OR7D2: variants seen among roughly 807,000 people sequenced by gnomAD.
OR7D2 encodes olfactory receptor 7D2.
For synonymous variants in OR7D2, 158 were observed against 158.7 expected (o/e 1.00, Z 0.03); for missense variants, 370 against 384.1 (o/e 0.96, Z 0.31).
In OR7D2 at chr19:9,185,869, C is replaced by T. The variant is rs755340698; in HGVS notation, c.88C>T (p.Leu30=). 17 of 1,613,560 alleles carry T rather than the reference C, an allele frequency of 1.1e-5. No homozygotes were observed. The highest frequency in any genetic ancestry group is 1.4e-5 in the Non-Finnish European group (17 of 1,179,742). The part of the protein sequence containing the change: ...DPELQPFIFG[L]FLSMYLVTVL... The stretch of plus-strand genomic sequence containing the variant: ...AGAACTACAGCCGTTCATATTTGGG[C>T]TGTTCCTGTCCATGTACCTGGTGAC... Residue 30 remains leucine, a synonymous_variant, in exon 3 of 3, where the codon CTG becomes TTG. Transcript: ENST00000641288.
Position 9,180,712 on chromosome 19 carries a change from T to C in OR7D2, c.-90T>C, listed in dbSNP as rs1410843700. 6.6e-6 allele frequency: 1 copy of C among 151,606 alleles called. No homozygotes were observed. Among genetic ancestry groups the C allele is most frequent in the East Asian group, 1.9e-4 (1 of 5,164 alleles). 9.4% of individuals were successfully genotyped at this position (151,606 alleles called of 1,614,324 possible). A position where few individuals can be genotyped will look rare whatever the true frequency, so the allele number is the denominator to read the frequency against. On this transcript the variant is annotated 5_prime_UTR_variant, in exon 2 of 3. Transcript: ENST00000641288. ...CCTTCATTCAGCTTTCCATGATGAG[T>C]ACAAAGCCTTGGGGAATATCTGGAT...
intron 1 of OR7D2, among the ~76,000 whole-genome samples, chr19:9,180,272 T>C (rs1346539050): frequency 6.6e-6 from 1 of 151,964 alleles, no homozygotes. Context: ...AAGTAGCTAA[T>C]TTTTTAAAAA....
At position 9,186,053 on chromosome 19, in the gene OR7D2, C is replaced by G; in HGVS notation, c.272C>G (p.Ala91Gly). 6.2e-7 allele frequency: 1 copy of G among 1,614,110 alleles called. No homozygotes were observed. The highest frequency in any genetic ancestry group is 1.3e-5 in the African/African-American group (1 of 75,018). ...GTGAACATCCAGACCGAGAACAAAG[C>G]CATCTCCTACATGGACTGCCTCACA... ...MLVNIQTENKAISYMDCLTQV... is the reference protein window; with the variant it reads ...MLVNIQTENKGISYMDCLTQV... The change falls in exon 3 of 3, where the codon GCC becomes GGC. Residue 91 changes from alanine to glycine, a missense_variant. Transcript: ENST00000641288.
At chr19:9,179,159 C>T (rs1047192074) in intron 1 of OR7D2, 36 bp downstream of exon 1, 4 of 151,668 alleles carry the variant, frequency 2.6e-5, no homozygotes, top group Non-Finnish European at 5.9e-5. Context: ...TTGTTAGTAC[C>T]GTGTGTGAAA....
In OR7D2 at chr19:9,187,781, A is replaced by C. The variant is rs1330419898; in HGVS notation, c.*1061A>C. 1 of 166,672 alleles carries C rather than the reference A, an allele frequency of 6.0e-6. No individual in the cohort carries two copies. Among genetic ancestry groups the C allele is most frequent in the Non-Finnish European group, 1.5e-5 (1 of 68,114 alleles). The allele number at this position is 166,672 out of a possible 1,614,324, so 10.3% of individuals were successfully genotyped here. ...ATGTATGTTGGTTGAACATACAAAC[A>C]AGTCCAGGTTTTTCATTCCTGAGTT... is the stretch of plus-strand genomic sequence containing the variant. On this transcript the variant is annotated 3_prime_UTR_variant, in exon 3 of 3. Coordinates refer to ENST00000641288, the MANE Select transcript of OR7D2 (RefSeq NM_175883.4).
chr19:9,181,149 C>T lies in OR7D2; in HGVS notation c.-14+361C>T, dbSNP rs554937799. On this transcript the variant is annotated intron_variant, in intron 2 of 2. Transcript: ENST00000641288. ...AAAAAAAAATTGTTTCACATAACTA[C>T]AGTGCAATGATCACAATCAGGAAAT... Among the ~76,000 whole-genome samples, 5 of 151,622 alleles carry T rather than the reference C, an allele frequency of 3.3e-5. No individual in the cohort carries two copies. The East Asian group carries it at 5.8e-4, about 18-fold the overall frequency.
intron 2 of OR7D2, among the ~76,000 whole-genome samples, chr19:9,185,101 A>ATATATAG (rs2051021023): frequency 6.6e-6 from 1 of 152,320 alleles, no homozygotes; most frequent in African/African-American, 2.4e-5. Flanking sequence ...ACGAGTCTAG[A>ATATATAG]GATCCAGTGT....
At position 9,187,468 on chromosome 19, in the gene OR7D2, T is replaced by A. The variant is rs979608339; in HGVS notation, c.*748T>A. On this transcript the variant is annotated 3_prime_UTR_variant, in exon 3 of 3. Coordinates refer to ENST00000641288, the MANE Select transcript of OR7D2 (RefSeq NM_175883.4). ...CTCGATATCTATATAGATATAGACA[T>A]ATGTAGATACATACCATGTTTTCTT... 1 of 165,578 alleles carries A rather than the reference T, an allele frequency of 6.0e-6. No homozygotes were observed. Among genetic ancestry groups the A allele is most frequent in the Non-Finnish European group, 1.5e-5 (1 of 68,062 alleles). The allele number at this position is 165,578 out of a possible 1,614,324, so 10.3% of individuals were successfully genotyped here.
At chr19:9,183,232 C>T (rs2051004213) in intron 2 of OR7D2, among the ~76,000 whole-genome samples, 1 of 152,124 alleles carries the variant, frequency 6.6e-6, no homozygotes, top group African/African-American at 2.4e-5. Flanking sequence ...GAAAGAATTA[C>T]TTCAGCTGGG....
At chr19:9,184,840 CACT>C (rs1450641303) in intron 2 of OR7D2, among the ~76,000 whole-genome samples, 1 of 151,632 alleles carries the variant, frequency 6.6e-6, no homozygotes, top group Non-Finnish European at 1.5e-5. Context: ...AATATTATTC[CACT>C]GATTGATAAA....
chr19:9,180,547 T>G (rs1393872234), intron 1 of OR7D2, among the ~76,000 whole-genome samples, 151 bp from the exon 2 acceptor site: 1 of 152,234 alleles, frequency 6.6e-6, no homozygotes, highest in Non-Finnish European at 1.5e-5. Flanking sequence ...AGGATAAATA[T>G]TCATTAGTAA....
At chr19:9,185,729 G>T (rs928530525) in intron 2 of OR7D2, 40 bp from the exon 3 acceptor site, 27 of 1,295,858 alleles carry the variant, frequency 2.1e-5, no homozygotes, top group Admixed American at 4.6e-5. Flanking sequence ...GACTACAGGT[G>T]TCCACCACCA....
chr19:9,179,315 G>T (rs981642151), intron 1 of OR7D2, among the ~76,000 whole-genome samples, 192 bp downstream of exon 1: 1 of 152,082 alleles, frequency 6.6e-6, no homozygotes, highest in Non-Finnish European at 1.5e-5. Flanking sequence ...TGAGGCAGGC[G>T]GATCGCTTGA....
chr19:9,186,130 G>A lies in OR7D2; in HGVS notation c.349G>A (p.Val117Met), dbSNP rs199962381. ...TATTCTGGACACGCTACTCCTGACCGTGATGGCCTATGACCGGTTTGTGGC... is the reference window on the plus strand; with the variant it reads ...TATTCTGGACACGCTACTCCTGACCATGATGGCCTATGACCGGTTTGTGGC... ...FPILDTLLLT[V>M]MAYDRFVAVC... The change falls in exon 3 of 3, where the codon GTG becomes ATG. Residue 117 changes from valine to methionine, a missense_variant. Coordinates refer to ENST00000641288, the MANE Select transcript of OR7D2 (RefSeq NM_175883.4). 10 of 1,614,028 alleles carry A rather than the reference G, an allele frequency of 6.2e-6. No individual in the cohort carries two copies. The highest frequency in any genetic ancestry group is 4.4e-5 in the South Asian group (4 of 91,076).
intron 2 of OR7D2, among the ~76,000 whole-genome samples, chr19:9,181,310 AT>A (rs1009739123): frequency 8.0e-5 from 12 of 150,734 alleles, no homozygotes; most frequent in African/African-American, 2.7e-4. Flanking sequence ...TTTATATTTT[AT>A]TTTTTTATTT....
At position 9,188,692 on chromosome 19, in the gene OR7D2, A is replaced by C. The variant is rs563202510; in HGVS notation, c.*1972A>C. On this transcript the variant is annotated 3_prime_UTR_variant, in exon 3 of 3. Coordinates refer to ENST00000641288, the MANE Select transcript of OR7D2 (RefSeq NM_175883.4). ...AGAGTTCTTAAGCTATTGATTGTTC[A>C]CTGACTTTATTTCTATGTGTTTGCA... 1.8e-5 allele frequency: 3 copies of C among 167,176 alleles called. No homozygotes were observed. In the East Asian group the frequency reaches 5.8e-4, roughly 32 times the overall value. 10.4% of individuals were successfully genotyped at this position (167,176 alleles called of 1,614,324 possible). A position where few individuals can be genotyped will look rare whatever the true frequency, so the allele number is the denominator to read the frequency against.
intron 2 of OR7D2, among the ~76,000 whole-genome samples, chr19:9,184,827 A>G (rs193173545): frequency 1.3e-5 from 2 of 152,312 alleles, no homozygotes; most frequent in African/African-American, 4.8e-5. Flanking sequence ...AATTTTTACA[A>G]TCAATATTAT....
chr19:9,186,275 A>G lies in OR7D2; in HGVS notation c.494A>G (p.His165Arg), dbSNP rs765488741. Residue 165 changes from histidine (H) to arginine (R), a missense_variant, in exon 3 of 3, where the codon CAT becomes CGT. Coordinates refer to ENST00000641288, the MANE Select transcript of OR7D2 (RefSeq NM_175883.4). ...CTCCTCCATATTTCTCTGATGATGC[A>G]TCTAATCTTCTGTAAAGATTTTGAA... is the stretch of plus-strand genomic sequence containing the variant. ...TSLLHISLMMHLIFCKDFEIP... is the reference protein window; with the variant it reads ...TSLLHISLMMRLIFCKDFEIP... The G allele has an allele frequency of 6.2e-7, 1 of 1,614,076 alleles. No individual in the cohort carries two copies. Among genetic ancestry groups the G allele is most frequent in the Admixed American group, 1.7e-5 (1 of 60,004 alleles).
intron 1 of OR7D2, among the ~76,000 whole-genome samples, chr19:9,179,642 C>T (rs545362223): frequency 6.6e-6 from 1 of 152,178 alleles, no homozygotes; most frequent in Non-Finnish European, 1.5e-5. Context: ...TCAGTAGGAA[C>T]TGGCACTTCC....
Sources: gnomAD v4.1 joint callset for allele counts (sites outside exome capture counted in the v4.1 genomes callset) on GRCh38, gnomAD v4.1.1 for gene constraint, MANE v1.5 for transcripts, NCBI Gene and HGNC (gene_info 2026-07-23, HGNC 2026-07-21) for gene names.